Variants in NEGR1 observed in about 807,000 individuals in gnomAD.
The protein encoded by NEGR1 is IgLON family member 4.
NEGR1 carries 10 observed loss-of-function variants against 40.9 expected under a neutral mutation model. The observed-to-expected ratio is 0.24, with a 90% CI of 0.15 to 0.42. The LOEUF (loss-of-function observed/expected upper bound fraction) is 0.42, where lower values mean the gene tolerates loss of function less well. Ranked by LOEUF, NEGR1 falls within the 10% of genes least tolerant of loss-of-function variation. NEGR1 has a pLI of 1.00. For synonymous variants in NEGR1, 185 were observed against 166.8 expected (o/e 1.11, Z -0.84); for missense variants, 352 against 438.9 (o/e 0.80, Z 1.77).
chr1:71,452,657 A>T (rs1176616817), intron 6 of NEGR1, among the ~76,000 whole-genome samples: 1 of 152,106 alleles, frequency 6.6e-6, no homozygotes, highest in Non-Finnish European at 1.5e-5. Flanking sequence ...TTTCCTTACC[A>T]TAAGGTTTTG....
intron 2 of NEGR1, among the ~76,000 whole-genome samples, chr1:71,931,517 G>A (rs747550132): frequency 5.9e-5 from 9 of 152,180 alleles, no homozygotes; most frequent in East Asian, 1.9e-4. Flanking sequence ...TTCCAAGAGC[G>A]TTTGTGCTGC....
At chr1:71,527,937 A>T (rs1362836592) in intron 6 of NEGR1, among the ~76,000 whole-genome samples, 1 of 151,288 alleles carries the variant, frequency 6.6e-6, no homozygotes, top group Non-Finnish European at 1.5e-5. Context: ...CTTCTCTTAC[A>T]TGGGTTTTTT....
chr1:71,905,681 A>G (rs1394098156), intron 2 of NEGR1, among the ~76,000 whole-genome samples: 1 of 152,094 alleles, frequency 6.6e-6, no homozygotes, highest in Non-Finnish European at 1.5e-5. Context: ...GACCTAGGAA[A>G]AGATATAAAG....
intron 1 of NEGR1, among the ~76,000 whole-genome samples, chr1:72,112,903 G>T (rs1649432636): frequency 6.6e-6 from 1 of 151,442 alleles, no homozygotes; most frequent in African/African-American, 2.4e-5. Context: ...TTCAAGCATT[G>T]CTTTTTATTT....
At chr1:71,755,144 C>T (rs1318221827) in intron 3 of NEGR1, among the ~76,000 whole-genome samples, 1 of 152,072 alleles carries the variant, frequency 6.6e-6, no homozygotes. Flanking sequence ...TCTATTCTAC[C>T]CCATCTCATT....
At chr1:71,774,393 C>T (rs556369437) in intron 3 of NEGR1, among the ~76,000 whole-genome samples, 2 of 152,202 alleles carry the variant, frequency 1.3e-5, no homozygotes, top group South Asian at 4.1e-4. Context: ...CAAGAGCACA[C>T]TCATACTTCA....
chr1:72,002,899 A>T (rs1646570179), intron 1 of NEGR1, among the ~76,000 whole-genome samples: 1 of 152,174 alleles, frequency 6.6e-6, no homozygotes, highest in Non-Finnish European at 1.5e-5. Context: ...ACTAAAAATA[A>T]TTGCCGCTAA....
intron 6 of NEGR1, among the ~76,000 whole-genome samples, chr1:71,454,443 AT>A (rs201608503): frequency 1.3e-4 from 20 of 150,602 alleles, no homozygotes; most frequent in African/African-American, 2.9e-4. Context: ...CTACTGTGAC[AT>A]TTTTTTTTCA....
intron 3 of NEGR1, among the ~76,000 whole-genome samples, chr1:71,706,102 C>T (rs192318671): frequency 6.6e-6 from 1 of 152,342 alleles, no homozygotes; most frequent in East Asian, 1.9e-4. Flanking sequence ...TCCTAAATCA[C>T]CAATGCCAGC....
At chr1:71,730,503 T>C (rs958050863) in intron 3 of NEGR1, among the ~76,000 whole-genome samples, 11 of 148,886 alleles carry the variant, frequency 7.4e-5, no homozygotes, top group Admixed American at 6.7e-4. Flanking sequence ...CATAATTTTA[T>C]TGAATATATA....
chr1:72,079,951 A>G (rs1326208815), intron 1 of NEGR1, among the ~76,000 whole-genome samples: 1 of 152,142 alleles, frequency 6.6e-6, no homozygotes, highest in African/African-American at 2.4e-5. Flanking sequence ...ATATTTGCCT[A>G]TCTGAATGAA....
intron 1 of NEGR1, among the ~76,000 whole-genome samples, chr1:71,979,855 G>A (rs924398317): frequency 1.3e-5 from 2 of 152,090 alleles, no homozygotes; most frequent in South Asian, 4.1e-4. Flanking sequence ...GGTTAAAGTC[G>A]TGTGTAACTT....
At chr1:71,998,403 T>C (rs1376377154) in intron 1 of NEGR1, among the ~76,000 whole-genome samples, 1 of 151,954 alleles carries the variant, frequency 6.6e-6, no homozygotes, top group African/African-American at 2.4e-5. Context: ...GCTCACAAAA[T>C]AAATTCCACA....
At chr1:71,849,272 GGAA>G (rs1409248221) in intron 2 of NEGR1, among the ~76,000 whole-genome samples, 1 of 152,102 alleles carries the variant, frequency 6.6e-6, no homozygotes, top group Non-Finnish European at 1.5e-5. Context: ...ACCAGAGTTT[GGAA>G]GAAGTTGATT....
chr1:72,247,148 A>T (rs1479189038), intron 1 of NEGR1, among the ~76,000 whole-genome samples: 1 of 152,138 alleles, frequency 6.6e-6, no homozygotes, highest in African/African-American at 2.4e-5. Flanking sequence ...GGCTGTCATT[A>T]AGGTCTCTAA....
chr1:71,757,205 G>T (rs1655775235), intron 3 of NEGR1, among the ~76,000 whole-genome samples: 1 of 152,026 alleles, frequency 6.6e-6, no homozygotes, highest in Non-Finnish European at 1.5e-5. Context: ...CATTTCATGG[G>T]TTTTGACTGT....
chr1:71,814,783 CTA>C (rs1658138136), intron 2 of NEGR1, among the ~76,000 whole-genome samples: 1 of 151,992 alleles, frequency 6.6e-6, no homozygotes, highest in Non-Finnish European at 1.5e-5. Context: ...TTTATTGTGT[CTA>C]TTTGATTATT....
intron 1 of NEGR1, among the ~76,000 whole-genome samples, chr1:72,250,331 T>C (rs1655045040): frequency 6.6e-6 from 1 of 152,036 alleles, no homozygotes; most frequent in Admixed American, 6.6e-5. Context: ...CTGACTAATA[T>C]ACTACCCTTA....
chr1:72,017,338 CTT>C (rs1646721006), intron 1 of NEGR1, among the ~76,000 whole-genome samples: 1 of 151,914 alleles, frequency 6.6e-6, no homozygotes, highest in South Asian at 2.1e-4. Context: ...CAGTAGGTGT[CTT>C]ATATTACTTT....
Sources: allele counts gnomAD v4.1 joint callset (sites outside exome capture counted in the v4.1 genomes callset), GRCh38; gene constraint gnomAD v4.1.1; transcripts MANE v1.5; gene names NCBI Gene and HGNC (gene_info 2026-07-23, HGNC 2026-07-21).